ARHGAP6: variants seen among roughly 807,000 people sequenced by gnomAD.
The protein encoded by ARHGAP6 is Rho GTPase activating protein 6, also known as rho GTPase-activating protein 6.
ARHGAP6 carries 16 observed loss-of-function variants against 55.7 expected under a neutral mutation model. That is an observed-to-expected ratio of 0.29 (90% CI 0.19 to 0.44). ARHGAP6 has a LOEUF of 0.44. Among genes scored for constraint, ARHGAP6 ranks in the 20% least tolerant of loss-of-function variants. The pLI, the probability that ARHGAP6 is intolerant of heterozygous loss-of-function variation, is 1.00. For missense variants in ARHGAP6, 698 were observed against 808.9 expected (o/e 0.86, Z 1.66); for synonymous variants, 382 against 360.9 (o/e 1.06, Z -0.66).
intron 1 of ARHGAP6, among the ~76,000 whole-genome samples, chrX:11,514,295 C>A (rs1569375078): frequency 2.7e-5 from 3 of 109,742 alleles, no homozygotes; most frequent in Non-Finnish European, 1.9e-5. Context: ...TTTTCATGAG[C>A]AAGATGGATT....
intron 5 of ARHGAP6, among the ~76,000 whole-genome samples, chrX:11,184,296 C>T (rs2046358806): frequency 1.8e-5 from 2 of 112,396 alleles, no homozygotes; most frequent in African/African-American, 6.5e-5. Context: ...CTATATTGCC[C>T]TGGCTGGTCT....
At chrX:11,445,414 G>A (rs2050083499) in intron 1 of ARHGAP6, among the ~76,000 whole-genome samples, 1 of 111,802 alleles carries the variant, frequency 8.9e-6, no homozygotes, top group Non-Finnish European at 1.9e-5. Context: ...TTTCAAGGTG[G>A]TGCTACTTAA....
chrX:11,471,043 T>C (rs188741375), intron 1 of ARHGAP6, among the ~76,000 whole-genome samples: 59 of 111,621 alleles, frequency 5.3e-4, no homozygotes, highest in African/African-American at 1.7e-3. Flanking sequence ...CTCTGAAAGG[T>C]TTGGCCCACC....
chrX:11,322,761 C>A (rs2048450026), intron 1 of ARHGAP6, among the ~76,000 whole-genome samples: 1 of 112,237 alleles, frequency 8.9e-6, no homozygotes. Flanking sequence ...CATATTTAAG[C>A]ACAATAGATT....
rs756533959 is a variant in ARHGAP6, at chrX:11,506,800, T to C, written c.588+157441A>G. 5.3e-3 allele frequency among the ~76,000 whole-genome samples: 594 copies of C among 111,815 alleles called. 6 individuals are homozygous for C. The highest frequency in any genetic ancestry group is 0.018 in the African/African-American group (554 of 30,698). The stretch of plus-strand genomic sequence containing the variant: ...AAATGGTATTTCTAGTTCTAGATCC[T>C]TGAGGAATCGCCACACTGTCTTCCA... On this transcript the variant is annotated intron_variant, in intron 1 of 12. Transcript: ENST00000337414.
intron 1 of ARHGAP6, among the ~76,000 whole-genome samples, chrX:11,435,694 C>A (rs73632652): frequency 8.9e-6 from 1 of 111,769 alleles, no homozygotes; most frequent in Non-Finnish European, 1.9e-5. Flanking sequence ...ATTTGTCCAA[C>A]GTCATGCAGA....
chrX:11,641,836 T>G (rs1404443673), intron 1 of ARHGAP6, among the ~76,000 whole-genome samples: 2 of 111,610 alleles, frequency 1.8e-5, no homozygotes, highest in African/African-American at 6.5e-5. Flanking sequence ...CTAAAGCAAA[T>G]TCTAAGCGTG....
intron 1 of ARHGAP6, among the ~76,000 whole-genome samples, chrX:11,594,030 C>G (rs887212887): frequency 3.6e-4 from 41 of 112,433 alleles, no homozygotes; most frequent in African/African-American, 1.3e-3. Flanking sequence ...ATACGGTTCC[C>G]TGCTTAAAAC....
chrX:11,285,308 T>G (rs2047908514), intron 1 of ARHGAP6, among the ~76,000 whole-genome samples: 1 of 110,914 alleles, frequency 9.0e-6, no homozygotes. Flanking sequence ...ATCTTAAAAA[T>G]ATGCATATTT....
At chrX:11,324,920 G>A (rs1349820935) in intron 1 of ARHGAP6, among the ~76,000 whole-genome samples, 2 of 112,297 alleles carry the variant, frequency 1.8e-5, no homozygotes, top group East Asian at 2.8e-4. Context: ...CTGCAGTGGC[G>A]CAATCTCGAC....
intron 1 of ARHGAP6, among the ~76,000 whole-genome samples, chrX:11,420,614 T>G (rs568188386): frequency 1.6e-4 from 18 of 111,693 alleles, no homozygotes; most frequent in African/African-American, 5.5e-4. Flanking sequence ...TGAACCCTGA[T>G]GTGATTGAGA....
chrX:11,272,737 C>G (rs1000990515), intron 1 of ARHGAP6, among the ~76,000 whole-genome samples: 5 of 112,040 alleles, frequency 4.5e-5, no homozygotes, highest in African/African-American at 1.6e-4. Context: ...TTCACGTGCA[C>G]AGGCTTGATC....
intron 1 of ARHGAP6, among the ~76,000 whole-genome samples, chrX:11,465,943 T>C (rs200461026): frequency 1.5e-4 from 13 of 89,576 alleles, no homozygotes; most frequent in African/African-American, 2.4e-4. Flanking sequence ...CCTCCTCCTC[T>C]TCCTCCTCCT....
At chrX:11,495,198 G>T (rs2050609879) in intron 1 of ARHGAP6, among the ~76,000 whole-genome samples, 1 of 111,685 alleles carries the variant, frequency 9.0e-6, no homozygotes, top group Non-Finnish European at 1.9e-5. Context: ...ACACAAGGTA[G>T]CCCTTAAAGA....
In ARHGAP6 at chrX:11,471,438, A is replaced by C; in HGVS notation, c.588+192803T>G. ...AAAGGATTTAATTAGAATTGTTTAAATATAGCAAAAAATATGTTTAAAACT... is the reference window on the plus strand; with the variant it reads ...AAAGGATTTAATTAGAATTGTTTAACTATAGCAAAAAATATGTTTAAAACT... On this transcript the variant is annotated intron_variant, in intron 1 of 12. Coordinates refer to ENST00000337414, the MANE Select transcript of ARHGAP6 (RefSeq NM_013427.3). Among the ~76,000 whole-genome samples, 4 of 112,536 alleles carry C rather than the reference A, an allele frequency of 3.6e-5. No homozygotes were observed. The South Asian group carries it at 1.5e-3, about 41-fold the overall frequency.
At chrX:11,656,489 A>G (rs1284056787) in intron 1 of ARHGAP6, among the ~76,000 whole-genome samples, 3 of 112,320 alleles carry the variant, frequency 2.7e-5, no homozygotes, top group African/African-American at 6.5e-5. Flanking sequence ...CAGTAGAGCT[A>G]TATTCCTCCT....
chrX:11,375,504 C>A (rs905999185), intron 1 of ARHGAP6, among the ~76,000 whole-genome samples: 3 of 112,010 alleles, frequency 2.7e-5, no homozygotes, highest in Non-Finnish European at 5.6e-5. Flanking sequence ...ATTAAACATA[C>A]CTCTATATTT....
intron 1 of ARHGAP6, among the ~76,000 whole-genome samples, chrX:11,601,570 A>G (rs2051973633): frequency 8.9e-6 from 1 of 112,272 alleles, no homozygotes; most frequent in African/African-American, 3.2e-5. Flanking sequence ...GGGGTATCCA[A>G]ATAAAAGCAT....
At chrX:11,626,132 A>G (rs1312019687) in intron 1 of ARHGAP6, among the ~76,000 whole-genome samples, 3 of 112,109 alleles carry the variant, frequency 2.7e-5, no homozygotes, top group Non-Finnish European at 5.6e-5. Flanking sequence ...ACATATACAC[A>G]ATATTAAGAA....
Sources: allele counts gnomAD v4.1 joint callset (sites outside exome capture counted in the v4.1 genomes callset), GRCh38; gene constraint gnomAD v4.1.1; transcripts MANE v1.5; gene names NCBI Gene and HGNC (gene_info 2026-07-23, HGNC 2026-07-21).